PLAAT5: variants seen among roughly 807,000 people sequenced by gnomAD.
The protein encoded by PLAAT5 is phospholipase A and acyltransferase 5, also known as Ca(2+)-independent N-acyltransferase.
Under a neutral mutation model 27.8 loss-of-function variants are expected in PLAAT5, and 27 were observed. The observed-to-expected ratio is 0.97, with a 90% CI of 0.72 to 1.34. The LOEUF (loss-of-function observed/expected upper bound fraction) is 1.34, where lower values mean the gene tolerates loss of function less well. PLAAT5 is among the 40% of genes most tolerant of loss of function. The probability of loss-of-function intolerance (pLI) is 0.00; values close to 1 mark genes in which losing one functional copy is unlikely to be tolerated. For synonymous variants in PLAAT5, 125 were observed against 136.1 expected (o/e 0.92, Z 0.57); for missense variants, 368 against 343.8 (o/e 1.07, Z -0.56).
Position 63,485,139 on chromosome 11 carries a change from GAC to G in PLAAT5, c.345+3730_345+3731del, listed in dbSNP as rs777000705. Among the ~76,000 whole-genome samples the G allele has an allele frequency of 2.0e-3, 302 of 152,184 alleles. 4 individuals carry two copies. Among genetic ancestry groups the G allele is most frequent in the Non-Finnish European group, 2.0e-3 (135 of 67,972 alleles). On this transcript the variant is annotated intron_variant, in intron 3 of 5. Transcript: ENST00000540857. ...AACACTGCTGAAAGAAATCACAGATGACACAAACAAATGGAAACACATCTCAT... is the reference window on the plus strand; with the variant it reads ...AACACTGCTGAAAGAAATCACAGATGACAAACAAATGGAAACACATCTCAT...
chr11:63,466,825 C>T (rs1270354789), intron 4 of PLAAT5, among the ~76,000 whole-genome samples: 3 of 152,208 alleles, frequency 2.0e-5, no homozygotes, highest in African/African-American at 4.8e-5. Flanking sequence ...CACAGGGACA[C>T]AGGGGAAGCC....
chr11:63,483,158 G>T (rs182177316), intron 3 of PLAAT5, among the ~76,000 whole-genome samples: 4 of 151,580 alleles, frequency 2.6e-5, no homozygotes, highest in Non-Finnish European at 4.4e-5. Context: ...CAGTAATAGT[G>T]GGGGGACTTC....
At position 63,488,934 on chromosome 11, in the gene PLAAT5, T is replaced by C; in HGVS notation, c.282A>G (p.Lys94=). Residue 94 remains lysine, a synonymous_variant, in exon 3 of 6, where the codon AAA becomes AAG. Coordinates refer to ENST00000540857, the MANE Select transcript of PLAAT5 (RefSeq NM_001146729.2). ...GCTTTGGAATTGAACTCCAGTCTGCTTTCTGGCTGGGTGTGGTCTCCAAGC... is the reference window on the plus strand; with the variant it reads ...GCTTTGGAATTGAACTCCAGTCTGCCTTCTGGCTGGGTGTGGTCTCCAAGC... ...VVSLETTPSQ[K]ADWSSIPKPE... is the part of the protein sequence containing the mutation. 1.9e-6 allele frequency: 3 copies of C among 1,613,888 alleles called. No individual in the cohort carries two copies. The highest frequency in any genetic ancestry group is 2.5e-6 in the Non-Finnish European group (3 of 1,179,828).
intron 3 of PLAAT5, among the ~76,000 whole-genome samples, chr11:63,482,542 T>C (rs1402981507): frequency 6.6e-6 from 1 of 152,152 alleles, no homozygotes; most frequent in African/African-American, 2.4e-5. Context: ...GGAAATAAAG[T>C]CTTTTTCAGA....
In PLAAT5 at chr11:63,466,355, CCACCTCAAACTCCT is replaced by C. The variant is rs1565207532; in HGVS notation, c.458_471del (p.Glu153GlyfsTer8). The C allele has an allele frequency of 6.2e-7, 1 of 1,613,956 alleles. No homozygotes were observed. The highest frequency in any genetic ancestry group is 8.5e-7 in the Non-Finnish European group (1 of 1,179,988). On this transcript the variant is annotated frameshift_variant, in exon 5 of 6. Coordinates refer to ENST00000540857, the MANE Select transcript of PLAAT5 (RefSeq NM_001146729.2). LOFTEE classifies it high-confidence loss of function. ...TTGCTAAAGATGGAAGTAATGCTGC[CCACCTCAAACTCCT>C]CACCTGGAGACCAAAGACAAACAAA...
intron 3 of PLAAT5, among the ~76,000 whole-genome samples, chr11:63,473,990 C>T (rs139982444): frequency 2.5e-3 from 388 of 152,246 alleles, no homozygotes; most frequent in Non-Finnish European, 4.1e-3. Flanking sequence ...TGCCCCACAG[C>T]GCCCAGCCCT....
chr11:63,466,510 G>A, intron 4 of PLAAT5, 138 bp from the exon 5 acceptor site: 1 of 875,856 alleles, frequency 1.1e-6, no homozygotes, highest in Non-Finnish European at 1.7e-6. Context: ...AGGGGAAGTT[G>A]GAATCAAAGA....
intron 3 of PLAAT5, among the ~76,000 whole-genome samples, chr11:63,472,559 TAA>T (rs1320885268): frequency 1.3e-5 from 2 of 152,230 alleles, no homozygotes; most frequent in Admixed American, 1.3e-4. Flanking sequence ...ACTGCCACCT[TAA>T]GATTGCAGAT....
Position 63,466,123 on chromosome 11 carries a change from G to A in PLAAT5, c.704C>T (p.Pro235Leu). 1 of 1,613,950 alleles carries A rather than the reference G, an allele frequency of 6.2e-7. No homozygotes were observed. Among genetic ancestry groups the A allele is most frequent in the Non-Finnish European group, 8.5e-7 (1 of 1,179,990 alleles). ...HFVNGLRYGV[P>L]RSQQVEHALM... ...ATGGGGTCACACCTGCTGGCTCCGGGGTACGCCATATCTGAGGCCATTGAC... is the reference window on the plus strand; with the variant it reads ...ATGGGGTCACACCTGCTGGCTCCGGAGTACGCCATATCTGAGGCCATTGAC... The change falls in exon 5 of 6, where the codon CCC becomes CTC. Residue 235 changes from proline to leucine, a missense_variant. Physicochemically the swap from Pro to Leu is moderately conservative, Grantham distance 98. Transcript: ENST00000540857.
Position 63,490,451 on chromosome 11 carries a change from T to G in PLAAT5, c.149-118A>C, listed in dbSNP as rs945899772. ...TCTAGCATCGTGCCTGGCCCCTGGT[T>G]AGGCCTCAGAAAATCTTGGGATGAA... is the stretch of plus-strand genomic sequence containing the variant. On this transcript the variant is annotated intron_variant, in intron 1 of 5. Coordinates refer to ENST00000540857, the MANE Select transcript of PLAAT5 (RefSeq NM_001146729.2). 1.2e-5 allele frequency: 19 copies of G among 1,523,112 alleles called. No homozygotes were observed. In the Middle Eastern group the frequency reaches 9.1e-4, roughly 73 times the overall value. The allele number at this position is 1,523,112 out of a possible 1,614,324, so 94.3% of individuals were successfully genotyped here. A position where few individuals can be genotyped will look rare whatever the true frequency, so the allele number is the denominator to read the frequency against.
chr11:63,463,139 A>T lies in PLAAT5; in HGVS notation c.*364T>A, dbSNP rs1430448209. Reference sequence around the variant, plus strand: ...GACATCTTCGTTACTGGAAATATTCAAGCAGAGGTTTCTGGGATGTTTCTG... The same window carrying T: ...GACATCTTCGTTACTGGAAATATTCTAGCAGAGGTTTCTGGGATGTTTCTG... On this transcript the variant is annotated 3_prime_UTR_variant, in exon 6 of 6. Transcript: ENST00000540857. 1 of 205,408 alleles carries T rather than the reference A, an allele frequency of 4.9e-6. No homozygotes were observed. Among genetic ancestry groups the T allele is most frequent in the Non-Finnish European group, 9.7e-6 (1 of 102,592 alleles). 12.7% of individuals were successfully genotyped at this position (205,408 alleles called of 1,614,324 possible).
intron 3 of PLAAT5, among the ~76,000 whole-genome samples, chr11:63,469,103 CGTGTGTGTGT>C (rs34013443): frequency 6.0e-4 from 81 of 134,438 alleles, no homozygotes; most frequent in South Asian, 2.5e-3. Context: ...TCTCTATTAT[CGTGTGTGTGT>C]GTGTGTGTGT....
intron 5 of PLAAT5, 121 bp downstream of exon 5, chr11:63,465,989 G>A (rs568097536): frequency 3.0e-6 from 3 of 1,005,758 alleles, no homozygotes; most frequent in South Asian, 1.7e-5. Context: ...AGAAATAGAA[G>A]GCCCTACTAG....
chr11:63,476,434 G>A (rs1173966210), intron 3 of PLAAT5, among the ~76,000 whole-genome samples: 2 of 151,996 alleles, frequency 1.3e-5, no homozygotes, highest in African/African-American at 4.8e-5. Context: ...ATTCATCTGG[G>A]ACTATCTTTA....
Position 63,468,241 on chromosome 11 carries a change from T to G in PLAAT5, c.454+116A>C, listed in dbSNP as rs1365854777. The G allele has an allele frequency of 8.8e-6, 7 of 795,874 alleles. No homozygotes were observed. The East Asian group carries it at 1.7e-4, about 19-fold the overall frequency. The allele number at this position is 795,874 out of a possible 1,614,324, so 49.3% of individuals were successfully genotyped here. ...ACAGTAAGCAAAGGTCCAGTCATGCTTCAAGGGGTCCCATTGCTAAAGAAT... is the reference window on the plus strand; with the variant it reads ...ACAGTAAGCAAAGGTCCAGTCATGCGTCAAGGGGTCCCATTGCTAAAGAAT... On this transcript the variant is annotated intron_variant, in intron 4 of 5. Coordinates refer to ENST00000540857, the MANE Select transcript of PLAAT5 (RefSeq NM_001146729.2).
intron 3 of PLAAT5, among the ~76,000 whole-genome samples, chr11:63,486,639 T>C (rs1439359361): frequency 6.6e-6 from 1 of 152,002 alleles, no homozygotes. Context: ...AATGATGTAA[T>C]CAACTTTAGG....
chr11:63,466,342 G>T lies in PLAAT5; in HGVS notation c.485C>A (p.Ser162Tyr), dbSNP rs1485712671. 15 of 1,613,990 alleles carry T rather than the reference G, an allele frequency of 9.3e-6. No individual in the cohort carries two copies. The highest frequency in any genetic ancestry group is 1.3e-5 in the Non-Finnish European group (15 of 1,180,018). ...CACCACGGCCCGATTGCTAAAGATG[G>T]AAGTAATGCTGCCCACCTCAAACTC... ...SEEFEVGSIT[S>Y]IFSNRAVVKY... Residue 162 changes from serine to tyrosine, a missense_variant, in exon 5 of 6, where the codon TCC becomes TAC. Ser to Tyr is a moderately radical substitution (Grantham distance 144, BLOSUM62 -2). Transcript: ENST00000540857.
chr11:63,480,050 G>A (rs146982583), intron 3 of PLAAT5, among the ~76,000 whole-genome samples: 1 of 152,272 alleles, frequency 6.6e-6, no homozygotes, highest in African/African-American at 2.4e-5. Flanking sequence ...ATCTAGTGGA[G>A]GGCAGGGCTC....
rs950374616 is a variant in PLAAT5 at position 63,477,641 on chromosome 11, A to T, written c.346-9176T>A. Among the ~76,000 whole-genome samples, 7 of 151,878 alleles carry T rather than the reference A, an allele frequency of 4.6e-5. No homozygotes were observed. In the East Asian group the frequency reaches 5.8e-4, roughly 13 times the overall value. Reference sequence around the variant, plus strand: ...CAGGTGCCTGCCACCATGCACAGCTAATTTTTGTATTTTAGTAGAGACAGG... The same window carrying T: ...CAGGTGCCTGCCACCATGCACAGCTTATTTTTGTATTTTAGTAGAGACAGG... On this transcript the variant is annotated intron_variant, in intron 3 of 5. Coordinates refer to ENST00000540857, the MANE Select transcript of PLAAT5 (RefSeq NM_001146729.2).
Sources: allele counts gnomAD v4.1 joint callset (sites outside exome capture counted in the v4.1 genomes callset), GRCh38; gene constraint gnomAD v4.1.1; transcripts MANE v1.5; gene names NCBI Gene and HGNC (gene_info 2026-07-23, HGNC 2026-07-21).